Variants in CNTN5 observed in about 807,000 individuals in gnomAD.
CNTN5 encodes the protein contactin 5, also known as contactin-5.
In CNTN5, 77 loss-of-function variants were observed where a neutral mutation model predicts 129.1. The observed-to-expected ratio is 0.60, with a 90% confidence interval of 0.50 to 0.72. The LOEUF (loss-of-function observed/expected upper bound fraction) is 0.72. Ranked by LOEUF, CNTN5 falls within the 30% of genes least tolerant of loss-of-function variation. The pLI is 0.00. For missense variants in CNTN5, 1,478 were observed against 1,328.8 expected (o/e 1.11, Z -1.75); for synonymous variants, 509 against 465.6 (o/e 1.09, Z -1.20).
intron 1 of CNTN5, among the ~76,000 whole-genome samples, chr11:99,320,756 A>G (rs527727157): frequency 6.6e-6 from 1 of 152,212 alleles, no homozygotes; most frequent in African/African-American, 2.4e-5. Flanking sequence ...ATGTAAGGTT[A>G]AGACAGTGTG....
intron 2 of CNTN5, among the ~76,000 whole-genome samples, chr11:99,540,179 A>T (rs576184880): frequency 6.6e-6 from 1 of 152,282 alleles, no homozygotes; most frequent in African/African-American, 2.4e-5. Context: ...CTATATTGGG[A>T]AAGTCTATAG....
At chr11:99,487,683 A>G (rs2135337796) in intron 2 of CNTN5, among the ~76,000 whole-genome samples, 1 of 152,326 alleles carries the variant, frequency 6.6e-6, no homozygotes, top group Admixed American at 6.5e-5. Flanking sequence ...CTTCACATAA[A>G]CAAAACCTAA....
intron 3 of CNTN5, among the ~76,000 whole-genome samples, chr11:99,623,132 C>T (rs1018874555): frequency 2.6e-5 from 4 of 152,048 alleles, no homozygotes; most frequent in African/African-American, 9.7e-5. Context: ...CCCCCTCATC[C>T]TAGTGATGTC....
intron 9 of CNTN5, among the ~76,000 whole-genome samples, chr11:100,006,573 G>A (rs7130676): frequency 0.29 from 44,035 of 151,890 alleles, 6,727 homozygotes; most frequent in African/African-American, 0.37. Flanking sequence ...AACTTTTATC[G>A]TGAGATTGCA....
intron 2 of CNTN5, among the ~76,000 whole-genome samples, chr11:99,463,115 A>ATAAATAAC (rs1298461303): frequency 7.5e-5 from 11 of 146,864 alleles, no homozygotes; most frequent in African/African-American, 2.5e-4. Flanking sequence ...CTCAAAATAA[A>ATAAATAAC]TAAATAAATA....
At chr11:99,375,302 CAAAAAAAAAAA>C (rs397848951) in intron 2 of CNTN5, among the ~76,000 whole-genome samples, 2 of 53,570 alleles carry the variant, frequency 3.7e-5, no homozygotes, top group Non-Finnish European at 6.1e-5. Flanking sequence ...GAGTCTGTCT[CAAAAAAAAAAA>C]AAAAAAAAAA....
chr11:99,933,515 TTCTCATCCC>T (rs950219220), intron 7 of CNTN5, among the ~76,000 whole-genome samples: 52 of 152,276 alleles, frequency 3.4e-4, no homozygotes, highest in African/African-American at 1.3e-3. Context: ...TTTCCCCCAA[TTCTCATCCC>T]TGATATTCAT....
chr11:99,276,227 T>G (rs1201976151), intron 1 of CNTN5, among the ~76,000 whole-genome samples: 1 of 151,764 alleles, frequency 6.6e-6, no homozygotes, highest in Non-Finnish European at 1.5e-5. Context: ...CGCATTCAGT[T>G]GAAATGTCTT....
chr11:99,847,988 G>A lies in CNTN5; in HGVS notation c.577+2726G>A, dbSNP rs558679339. The stretch of plus-strand genomic sequence containing the variant: ...AGCATTTTGGGCAGCCGAGGCGGGC[G>A]GATCACGAGTTCAGGAGTTCGAGAC... On this transcript the variant is annotated intron_variant, in intron 6 of 24. Transcript: ENST00000524871. Among the ~76,000 whole-genome samples the A allele has an allele frequency of 3.3e-4, 51 of 152,262 alleles. 1 individual carries two copies. Among genetic ancestry groups the A allele is most frequent in the Admixed American group, 6.5e-4 (10 of 15,288 alleles).
intron 13 of CNTN5, among the ~76,000 whole-genome samples, chr11:100,152,438 C>A (rs942233521): frequency 6.6e-6 from 1 of 152,122 alleles, no homozygotes; most frequent in African/African-American, 2.4e-5. Context: ...AAACAAAAAA[C>A]CCCCGCTGAA....
intron 1 of CNTN5, among the ~76,000 whole-genome samples, chr11:99,250,763 C>T (rs1437347563): frequency 6.6e-6 from 1 of 151,690 alleles, no homozygotes; most frequent in Non-Finnish European, 1.5e-5. Context: ...TTATCATATC[C>T]CAGATACTAA....
Position 100,072,990 on chromosome 11 carries a change from CAAAAAAA to C in CNTN5, c.1430-1139_1430-1133del, listed in dbSNP as rs61042118. On this transcript the variant is annotated intron_variant, in intron 12 of 24. Coordinates refer to ENST00000524871, the MANE Select transcript of CNTN5 (RefSeq NM_014361.4). ...TTTTGTAAATTCTATTCCCAGGAGG[CAAAAAAA>C]AAAAAAAAAAAAAAGTTACTTGCAA... Among the ~76,000 whole-genome samples, 13 of 79,074 alleles carry C rather than the reference CAAAAAAA, an allele frequency of 1.6e-4. 1 individual carries two copies. The highest frequency in any genetic ancestry group is 1.3e-3 in the South Asian group (2 of 1,558). The allele number at this position is 79,074 out of a possible 152,430, so 51.9% of individuals were successfully genotyped here.
intron 8 of CNTN5, among the ~76,000 whole-genome samples, chr11:99,957,408 T>A (rs1950831672): frequency 1.3e-5 from 2 of 152,196 alleles, no homozygotes; most frequent in Admixed American, 1.3e-4. Flanking sequence ...AATTGAATGC[T>A]CAGGTTTTAA....
intron 6 of CNTN5, among the ~76,000 whole-genome samples, chr11:99,848,631 A>T (rs1034459435): frequency 2.0e-5 from 3 of 152,180 alleles, no homozygotes; most frequent in African/African-American, 7.2e-5. Context: ...TACAGTACTT[A>T]TAATTCCACT....
chr11:99,637,967 A>G (rs1487531463), intron 3 of CNTN5, among the ~76,000 whole-genome samples: 3 of 152,150 alleles, frequency 2.0e-5, no homozygotes, highest in Non-Finnish European at 2.9e-5. Flanking sequence ...GTTTATAGTC[A>G]TGCATCTCAT....
chr11:99,228,559 C>G (rs1435732539), intron 1 of CNTN5, among the ~76,000 whole-genome samples: 1 of 152,078 alleles, frequency 6.6e-6, no homozygotes, highest in African/African-American at 2.4e-5. Context: ...TCGATCATTA[C>G]ACAGTCTGTG....
chr11:99,267,815 A>T (rs1390735115), intron 1 of CNTN5, among the ~76,000 whole-genome samples: 2 of 151,744 alleles, frequency 1.3e-5, no homozygotes, highest in Non-Finnish European at 2.9e-5. Flanking sequence ...TATTCATGGT[A>T]TCCTTGTATT....
At chr11:99,674,691 C>T (rs1001034345) in intron 3 of CNTN5, among the ~76,000 whole-genome samples, 2 of 152,184 alleles carry the variant, frequency 1.3e-5, no homozygotes, top group Admixed American at 6.5e-5. Flanking sequence ...AGGATTGTCT[C>T]GAGGCTTTTC....
intron 1 of CNTN5, among the ~76,000 whole-genome samples, chr11:99,048,091 T>C (rs997399371): frequency 2.6e-5 from 4 of 151,930 alleles, no homozygotes; most frequent in African/African-American, 9.7e-5. Context: ...TAAAAAAAAA[T>C]CATGGCATCC....
Sources: gnomAD v4.1 joint callset for allele counts (sites outside exome capture counted in the v4.1 genomes callset) on GRCh38, gnomAD v4.1.1 for gene constraint, MANE v1.5 for transcripts, NCBI Gene and HGNC (gene_info 2026-07-23, HGNC 2026-07-21) for gene names.